Variants in ANAPC10 observed in about 807,000 individuals in gnomAD.
ANAPC10 encodes the protein anaphase promoting complex subunit 10.
ANAPC10 carries 12 observed loss-of-function variants against 22.0 expected under a neutral mutation model. That is an observed-to-expected ratio of 0.55 (90% CI 0.35 to 0.88). ANAPC10 has a LOEUF of 0.88. ANAPC10 is among the 40% of genes least tolerant of loss of function. The pLI is 0.01. For synonymous variants in ANAPC10, 65 were observed against 69.5 expected (o/e 0.94, Z 0.32); for missense variants, 188 against 220.9 (o/e 0.85, Z 0.94).
At chr4:145,049,458 G>A (rs1740787432) in intron 4 of ANAPC10, among the ~76,000 whole-genome samples, 1 of 152,142 alleles carries the variant, frequency 6.6e-6, no homozygotes, top group Non-Finnish European at 1.5e-5. Flanking sequence ...GTCATTTCAA[G>A]AATGTTCACA....
intron 4 of ANAPC10, among the ~76,000 whole-genome samples, chr4:145,050,919 C>A (rs1265270190): frequency 1.3e-5 from 2 of 152,206 alleles, no homozygotes; most frequent in Non-Finnish European, 2.9e-5. Context: ...GTATTGCTTT[C>A]TTATTATTCA....
intron 4 of ANAPC10, among the ~76,000 whole-genome samples, chr4:145,048,267 G>A (rs1051566173): frequency 1.3e-5 from 2 of 152,150 alleles, no homozygotes; most frequent in African/African-American, 4.8e-5. Context: ...GATCAAGACA[G>A]GTAATGTCCT....
At chr4:144,997,947 T>TA (rs1301896389) in intron 4 of ANAPC10, among the ~76,000 whole-genome samples, 1 of 151,990 alleles carries the variant, frequency 6.6e-6, no homozygotes, top group African/African-American at 2.4e-5. Flanking sequence ...TCTGATAAAA[T>TA]AGACTTTAAA....
intron 4 of ANAPC10, among the ~76,000 whole-genome samples, chr4:145,026,989 T>TA (rs1736851394): frequency 3.1e-4 from 3 of 9,538 alleles, no homozygotes; most frequent in Non-Finnish European, 5.3e-4. Flanking sequence ...ATATATATAT[T>TA]TTTTTTTTTT....
chr4:145,009,982 A>C (rs1014685301), intron 4 of ANAPC10, among the ~76,000 whole-genome samples: 9 of 152,196 alleles, frequency 5.9e-5, no homozygotes, highest in African/African-American at 7.2e-5. Flanking sequence ...ACAAGAAAAA[A>C]TCAAACAAAC....
intron 4 of ANAPC10, among the ~76,000 whole-genome samples, chr4:145,037,402 C>G (rs918515406): frequency 6.6e-6 from 1 of 151,964 alleles, no homozygotes; most frequent in Admixed American, 6.6e-5. Flanking sequence ...GCATGAGTCA[C>G]TACACCCAGC....
chr4:145,031,280 A>T (rs1025392221), intron 4 of ANAPC10, among the ~76,000 whole-genome samples: 3 of 152,230 alleles, frequency 2.0e-5, no homozygotes, highest in Non-Finnish European at 4.4e-5. Context: ...AGTGAGCAAG[A>T]AGTAGCAAAT....
chr4:145,034,779 G>A (rs2127083566), intron 4 of ANAPC10, among the ~76,000 whole-genome samples: 1 of 151,976 alleles, frequency 6.6e-6, no homozygotes, highest in South Asian at 2.1e-4. Flanking sequence ...GTGTTAGGCT[G>A]CAGTGCCGGT....
intron 2 of ANAPC10, among the ~76,000 whole-genome samples, chr4:145,084,288 A>G (rs1016349927): frequency 7.1e-4 from 108 of 152,342 alleles, no homozygotes; most frequent in Non-Finnish European, 6.3e-4. Context: ...ATTTCAAATT[A>G]CTAGTTAGCT....
At chr4:145,054,604 AGTGTG>A (rs1235537217) in intron 4 of ANAPC10, among the ~76,000 whole-genome samples, 4 of 128,326 alleles carry the variant, frequency 3.1e-5, no homozygotes, top group Admixed American at 3.1e-4. Context: ...CATACTGAAT[AGTGTG>A]TGTGTGTGTG....
chr4:145,077,346 C>A (rs1446338277), intron 3 of ANAPC10, among the ~76,000 whole-genome samples: 3 of 152,146 alleles, frequency 2.0e-5, no homozygotes, highest in Non-Finnish European at 4.4e-5. Context: ...AACAAGCAAA[C>A]TGGAAAATAT....
chr4:145,018,501 G>A (rs771152635), intron 4 of ANAPC10, among the ~76,000 whole-genome samples: 17 of 152,048 alleles, frequency 1.1e-4, no homozygotes, highest in Admixed American at 5.9e-4. Flanking sequence ...AGCCAGGCAT[G>A]GTGGCAGGCA....
Position 145,098,118 on chromosome 4 carries a change from A to C in ANAPC10, c.-13+2T>G, listed in dbSNP as rs969323616. The stretch of plus-strand genomic sequence containing the variant: ...ACGTCGGAGAAAAGCCCACACACTC[A>C]CAGTTTCCAGACCTGGCTGCTTGCC... On this transcript the variant is annotated splice_donor_variant, in intron 1 of 4. Coordinates refer to ENST00000507656, the MANE Select transcript of ANAPC10 (RefSeq NM_001256706.2). LOFTEE classifies it low-confidence loss of function (5UTR_SPLICE). The C allele has an allele frequency of 6.6e-6, 1 of 152,544 alleles. No homozygotes were observed. 9.4% of individuals were successfully genotyped at this position (152,544 alleles called of 1,614,324 possible).
chr4:145,018,023 C>T (rs1206899949), intron 4 of ANAPC10, among the ~76,000 whole-genome samples: 41 of 150,726 alleles, frequency 2.7e-4, no homozygotes, highest in Admixed American at 1.7e-3. Flanking sequence ...ATGTAAATGA[C>T]GAGTTAATGG....
chr4:145,046,932 G>A (rs1740395085), intron 4 of ANAPC10, among the ~76,000 whole-genome samples: 1 of 152,056 alleles, frequency 6.6e-6, no homozygotes. Context: ...AGTCATGTAC[G>A]AGTAAGGATA....
upstream of ANAPC10, chr4:145,098,415 T>C (rs1351617111): frequency 6.6e-6 from 1 of 152,394 alleles, no homozygotes; most frequent in East Asian, 1.9e-4. Flanking sequence ...GATCGTTTTC[T>C]CCAGGTACGT....
At chr4:145,079,888 T>C (rs1041061089) in intron 3 of ANAPC10, among the ~76,000 whole-genome samples, 1 of 151,988 alleles carries the variant, frequency 6.6e-6, no homozygotes, top group Non-Finnish European at 1.5e-5. Context: ...CCGAGGCGGC[T>C]AGATCACCTG....
intron 4 of ANAPC10, among the ~76,000 whole-genome samples, chr4:145,041,684 T>C (rs1464909579): frequency 6.6e-6 from 1 of 152,210 alleles, no homozygotes; most frequent in Non-Finnish European, 1.5e-5. Flanking sequence ...AGACAACTAA[T>C]AAGAAGCAAA....
intron 4 of ANAPC10, among the ~76,000 whole-genome samples, chr4:145,009,092 C>G (rs994796134): frequency 2.6e-5 from 4 of 152,048 alleles, no homozygotes; most frequent in East Asian, 1.9e-4. Context: ...ACAACTGCTA[C>G]AAAGAAAATA....
Sources: gnomAD v4.1 joint callset for allele counts (sites outside exome capture counted in the v4.1 genomes callset) on GRCh38, gnomAD v4.1.1 for gene constraint, MANE v1.5 for transcripts, NCBI Gene and HGNC (gene_info 2026-07-23, HGNC 2026-07-21) for gene names.